The following FYTTD1 variants were observed in gnomAD, a reference collection of about 807,000 sequenced individuals.
FYTTD1 encodes the protein UAP56-interacting factor.
Under a neutral mutation model 40.9 loss-of-function variants are expected in FYTTD1, and 22 were observed. The ratio of observed to expected loss-of-function variants is 0.54; its 90% CI spans 0.38 to 0.77. The LOEUF (loss-of-function observed/expected upper bound fraction) is 0.77, where lower values mean the gene tolerates loss of function less well. Ranked by LOEUF, FYTTD1 falls within the 30% of genes least tolerant of loss-of-function variation. The pLI, the probability that FYTTD1 is intolerant of heterozygous loss-of-function variation, is 0.00. For synonymous variants in FYTTD1, 140 were observed against 137.9 expected (o/e 1.01, Z -0.10); for missense variants, 351 against 392.2 (o/e 0.90, Z 0.89).
At chr3:197,765,722 C>T (rs1377396100) in intron 2 of FYTTD1, among the ~76,000 whole-genome samples, 6 of 151,692 alleles carry the variant, frequency 4.0e-5, no homozygotes, top group African/African-American at 9.7e-5. Context: ...ATAGTCCGGG[C>T]GCAGTGGCTC....
At chr3:197,753,407 A>G (rs1026701134) in intron 1 of FYTTD1, among the ~76,000 whole-genome samples, 4 of 152,190 alleles carry the variant, frequency 2.6e-5, no homozygotes, top group Non-Finnish European at 4.4e-5. Flanking sequence ...GTTGGTACTA[A>G]CATTGCTGGT....
intron 3 of FYTTD1, among the ~76,000 whole-genome samples, chr3:197,769,886 C>G (rs921373029): frequency 3.9e-5 from 6 of 151,964 alleles, no homozygotes; most frequent in African/African-American, 1.5e-4. Flanking sequence ...CTCTTGAGTT[C>G]CAGAGCCACG....
chr3:197,762,876 C>A (rs1299669022), intron 2 of FYTTD1, among the ~76,000 whole-genome samples: 1 of 151,742 alleles, frequency 6.6e-6, no homozygotes, highest in African/African-American at 2.4e-5. Context: ...GAGTGAGACT[C>A]CGTCTCCAAA....
intron 8 of FYTTD1, 134 bp from the exon 9 acceptor site, chr3:197,781,677 A>G (rs2109057318): frequency 3.3e-6 from 2 of 610,546 alleles, no homozygotes; most frequent in East Asian, 2.8e-5. Context: ...ATACATGTAA[A>G]TATTTAGGAA....
upstream of FYTTD1, chr3:197,749,824 G>A (rs990720034): frequency 2.2e-5 from 11 of 489,696 alleles, no homozygotes; most frequent in South Asian, 2.1e-4. Context: ...CGGTGGCCCC[G>A]CCCCGCCCGC....
chr3:197,766,662 C>T (rs191930000), intron 2 of FYTTD1, among the ~76,000 whole-genome samples: 2 of 151,866 alleles, frequency 1.3e-5, no homozygotes, highest in Non-Finnish European at 2.9e-5. Context: ...AGGCTGGTCT[C>T]GAACTCCTGG....
At chr3:197,769,646 G>A (rs1446372919) in intron 3 of FYTTD1, among the ~76,000 whole-genome samples, 9 of 152,100 alleles carry the variant, frequency 5.9e-5, no homozygotes, top group African/African-American at 1.7e-4. Flanking sequence ...CTACTCCAGC[G>A]TCTTTGCTGT....
chr3:197,783,898 C>T lies in FYTTD1; in HGVS notation c.*1989C>T, dbSNP rs757850456. Reference sequence around the variant, plus strand: ...TTGAGTGCATTAAATAACAAATTATCTTTGATACATTAAACTTTTATTCTT... The same window carrying T: ...TTGAGTGCATTAAATAACAAATTATTTTTGATACATTAAACTTTTATTCTT... On this transcript the variant is annotated 3_prime_UTR_variant, in exon 9 of 9. Transcript: ENST00000241502. The T allele has an allele frequency of 6.6e-6, 1 of 152,392 alleles. No homozygotes were observed. Among genetic ancestry groups the T allele is most frequent in the Non-Finnish European group, 1.5e-5 (1 of 68,008 alleles). 9.4% of individuals were successfully genotyped at this position (152,392 alleles called of 1,614,324 possible).
chr3:197,755,571 G>A (rs1198149991), intron 1 of FYTTD1: 3 of 189,458 alleles, frequency 1.6e-5, no homozygotes, highest in East Asian at 2.5e-4. Context: ...TCAGCCTCCC[G>A]AGTAGCTGGG....
intron 2 of FYTTD1, among the ~76,000 whole-genome samples, chr3:197,762,453 G>T (rs2109042246): frequency 6.6e-6 from 1 of 152,120 alleles, no homozygotes; most frequent in Non-Finnish European, 1.5e-5. Flanking sequence ...GCCGGGCATG[G>T]TGGCGGGCAC....
chr3:197,768,101 C>A (rs1442059167), intron 2 of FYTTD1, among the ~76,000 whole-genome samples: 4 of 152,198 alleles, frequency 2.6e-5, no homozygotes, highest in Non-Finnish European at 5.9e-5. Context: ...TGCTTAACTT[C>A]AAGTACTCAG....
chr3:197,749,894 C>T lies in FYTTD1; in HGVS notation c.-78C>T, dbSNP rs1219850862. 5 of 901,068 alleles carry T rather than the reference C, an allele frequency of 5.5e-6. No homozygotes were observed. The highest frequency in any genetic ancestry group is 3.5e-5 in the African/African-American group (2 of 56,894). The allele number at this position is 901,068 out of a possible 1,614,324, so 55.8% of individuals were successfully genotyped here. A position where few individuals can be genotyped will look rare whatever the true frequency, so the allele number is the denominator to read the frequency against. On this transcript the variant is annotated 5_prime_UTR_variant, in exon 1 of 9. Coordinates refer to ENST00000241502, the MANE Select transcript of FYTTD1 (RefSeq NM_032288.7). ...GTGCGCGCTCCCTCGGTGCGGCGGG[C>T]TGCGTGCGCGAGTGGGAGGTGGCAG...
chr3:197,751,634 C>T (rs1729054142), intron 1 of FYTTD1, among the ~76,000 whole-genome samples: 1 of 149,810 alleles, frequency 6.7e-6, no homozygotes. Flanking sequence ...CCTGTCTCCC[C>T]CCGCTCTCCC....
chr3:197,777,799 C>G (rs534193711), intron 7 of FYTTD1, among the ~76,000 whole-genome samples: 1 of 152,008 alleles, frequency 6.6e-6, no homozygotes, highest in Non-Finnish European at 1.5e-5. Flanking sequence ...ACTGCTGCCT[C>G]GAACTCCTGG....
intron 2 of FYTTD1, 42 bp from the exon 3 acceptor site, chr3:197,768,397 A>C (rs1560497217): frequency 6.9e-7 from 1 of 1,458,658 alleles, no homozygotes; most frequent in Admixed American, 2.0e-5. Flanking sequence ...TCCCAATTGA[A>C]TTGTTAAATT....
chr3:197,787,449 A>G lies in FYTTD1; in HGVS notation c.*5540A>G, dbSNP rs1730177793. ...GAGTGACCATGATATGTTTCTACTG[A>G]GTAGAAGGGGGAAGGGAGGACATAA... On this transcript the variant is annotated 3_prime_UTR_variant, in exon 9 of 9. Transcript: ENST00000241502. 3.3e-5 allele frequency: 5 copies of G among 152,314 alleles called. No homozygotes were observed. In the South Asian group the frequency reaches 1.0e-3, roughly 32 times the overall value. 9.4% of individuals were successfully genotyped at this position (152,314 alleles called of 1,614,324 possible).
intron 1 of FYTTD1, among the ~76,000 whole-genome samples, chr3:197,753,943 T>C (rs989421323): frequency 1.3e-5 from 2 of 152,120 alleles, no homozygotes; most frequent in Non-Finnish European, 2.9e-5. Context: ...GGTTTCACCA[T>C]ATTAGCCAGG....
At chr3:197,752,138 A>G (rs933789994) in intron 1 of FYTTD1, among the ~76,000 whole-genome samples, 4 of 152,162 alleles carry the variant, frequency 2.6e-5, no homozygotes, top group Non-Finnish European at 4.4e-5. Context: ...GGCCTCCCCT[A>G]CAGGCGTGAG....
intron 2 of FYTTD1, among the ~76,000 whole-genome samples, chr3:197,763,310 A>G (rs1729444400): frequency 6.6e-6 from 1 of 151,760 alleles, no homozygotes; most frequent in Non-Finnish European, 1.5e-5. Flanking sequence ...GCTCCTCGGG[A>G]GCCTGAGGCA....
Sources: gnomAD v4.1 joint callset for allele counts (sites outside exome capture counted in the v4.1 genomes callset) on GRCh38, gnomAD v4.1.1 for gene constraint, MANE v1.5 for transcripts, NCBI Gene and HGNC (gene_info 2026-07-23, HGNC 2026-07-21) for gene names.